VTI1A: variants seen among roughly 807,000 people sequenced by gnomAD.
VTI1A encodes vesicle transport through interaction with t-SNAREs homolog 1A.
A neutral mutation model predicts 34.9 loss-of-function variants in VTI1A; 22 were observed. The observed-to-expected ratio is 0.63, with a 90% confidence interval of 0.45 to 0.90. VTI1A has a LOEUF of 0.90. Ranked by LOEUF, VTI1A falls within the 40% of genes least tolerant of loss-of-function variation. VTI1A has a pLI of 0.00. For missense variants in VTI1A, 268 were observed against 275.6 expected, an observed-to-expected ratio of 0.97 and a Z score of 0.20; for synonymous variants, 87 against 97.3, an observed-to-expected ratio of 0.89 and a Z score of 0.62.
At chr10:112,761,124 C>G (rs556235865) in intron 7 of VTI1A, among the ~76,000 whole-genome samples, 1 of 152,222 alleles carries the variant, frequency 6.6e-6, no homozygotes, top group East Asian at 1.9e-4. Flanking sequence ...ATACCATGGA[C>G]TGTATGTCTT....
At chr10:112,759,329 T>C (rs1310043250) in intron 7 of VTI1A, among the ~76,000 whole-genome samples, 1 of 152,156 alleles carries the variant, frequency 6.6e-6, no homozygotes, top group Non-Finnish European at 1.5e-5. Flanking sequence ...AGGTTTTAGG[T>C]TTCACTTATG....
chr10:112,450,922 T>A (rs1847213150), intron 1 of VTI1A, among the ~76,000 whole-genome samples: 1 of 152,194 alleles, frequency 6.6e-6, no homozygotes, highest in South Asian at 2.1e-4. Flanking sequence ...TGGGAGTGAA[T>A]TCTTAAGTGG....
chr10:112,807,665 C>T (rs1853133934), intron 7 of VTI1A, among the ~76,000 whole-genome samples: 2 of 151,830 alleles, frequency 1.3e-5, no homozygotes, highest in Admixed American at 1.3e-4. Context: ...ACTAGCCTGG[C>T]CAACATGGTA....
chr10:112,703,633 G>A (rs1849092077), intron 7 of VTI1A, among the ~76,000 whole-genome samples: 1 of 152,110 alleles, frequency 6.6e-6, no homozygotes, highest in Non-Finnish European at 1.5e-5. Flanking sequence ...GTATATGATT[G>A]TAAATGTATA....
Position 112,815,481 on chromosome 10 carries a change from A to T in VTI1A, c.*98A>T. 9.3e-7 allele frequency: 1 copy of T among 1,073,560 alleles called. No homozygotes were observed. 66.5% of individuals were successfully genotyped at this position (1,073,560 alleles called of 1,614,324 possible). ...TCATTCTGTTGCGCTGACAGGCCCCAGGTGACCCTCTCTCTCCCTCACCGC... is the reference window on the plus strand; with the variant it reads ...TCATTCTGTTGCGCTGACAGGCCCCTGGTGACCCTCTCTCTCCCTCACCGC... On this transcript the variant is annotated 3_prime_UTR_variant, in exon 8 of 8. Transcript: ENST00000393077.
At position 112,464,592 on chromosome 10, in the gene VTI1A, C is replaced by G. The variant is rs766425909; in HGVS notation, c.199C>G (p.Arg67Gly). 1.2e-5 allele frequency: 19 copies of G among 1,612,790 alleles called. No homozygotes were observed. Among genetic ancestry groups the G allele is most frequent in the African/African-American group, 2.7e-5 (2 of 74,806 alleles). Reference sequence around the variant, plus strand: ...AGTCCGAGAGATACCACCCCAAAGTCGAGGGATGTACAGCAACAGAATGAG... The same window carrying G: ...AGTCCGAGAGATACCACCCCAAAGTGGAGGGATGTACAGCAACAGAATGAG... ...LEVREIPPQS[R>G]GMYSNRMRSY... Residue 67 changes from arginine to glycine, a missense_variant, in exon 3 of 8, where the codon CGA becomes GGA. Physicochemically the swap from Arg to Gly is moderately radical, Grantham distance 125 (BLOSUM62 -2). Transcript: ENST00000393077.
chr10:112,558,750 C>T (rs1164186601), intron 5 of VTI1A, among the ~76,000 whole-genome samples: 2 of 152,316 alleles, frequency 1.3e-5, no homozygotes, highest in Non-Finnish European at 2.9e-5. Flanking sequence ...GAGACACACA[C>T]TCTCTCTCGA....
At chr10:112,712,990 C>T (rs1468715380) in intron 7 of VTI1A, among the ~76,000 whole-genome samples, 1 of 152,180 alleles carries the variant, frequency 6.6e-6, no homozygotes, top group African/African-American at 2.4e-5. Flanking sequence ...GACATCGTGT[C>T]TCTCCATTCC....
chr10:112,820,938 C>T (rs1853639841), downstream of VTI1A, among the ~76,000 whole-genome samples: 1 of 152,082 alleles, frequency 6.6e-6, no homozygotes, highest in South Asian at 2.1e-4. Flanking sequence ...TCATCACTGC[C>T]CTTCTTCAGG....
intron 1 of VTI1A, among the ~76,000 whole-genome samples, chr10:112,458,145 CTTTGT>C (rs145653830): frequency 0.018 from 2,705 of 152,122 alleles, 68 homozygotes; most frequent in African/African-American, 0.061. Context: ...AGGCTTCTTT[CTTTGT>C]TTTATTTTGC....
chr10:112,763,661 G>A (rs538184273), intron 7 of VTI1A, among the ~76,000 whole-genome samples: 2 of 152,262 alleles, frequency 1.3e-5, no homozygotes, highest in South Asian at 2.1e-4. Flanking sequence ...GTGAGACTTC[G>A]TAGCCCTGTG....
At chr10:112,665,414 A>G (rs766371712) in intron 5 of VTI1A, among the ~76,000 whole-genome samples, 1 of 152,178 alleles carries the variant, frequency 6.6e-6, no homozygotes, top group Non-Finnish European at 1.5e-5. Context: ...GAGCATTAAA[A>G]TGGAAGATAG....
chr10:112,447,681 C>G (rs1015135458), intron 1 of VTI1A, among the ~76,000 whole-genome samples: 2 of 152,162 alleles, frequency 1.3e-5, no homozygotes, highest in African/African-American at 4.8e-5. Context: ...TCTGAGCCAT[C>G]TGAGTTCGAA....
At chr10:112,762,603 C>G (rs1000545499) in intron 7 of VTI1A, among the ~76,000 whole-genome samples, 4 of 152,170 alleles carry the variant, frequency 2.6e-5, no homozygotes, top group African/African-American at 7.2e-5. Flanking sequence ...TAATTTTAAT[C>G]AGCTAATTTG....
chr10:112,706,560 A>T (rs79905449), intron 7 of VTI1A, among the ~76,000 whole-genome samples: 85 of 152,326 alleles, frequency 5.6e-4, no homozygotes, highest in African/African-American at 1.9e-3. Context: ...CTCTAAATTA[A>T]GTAGGAAAGA....
chr10:112,510,194 G>A (rs1052839371), intron 3 of VTI1A, among the ~76,000 whole-genome samples: 3 of 152,240 alleles, frequency 2.0e-5, no homozygotes, highest in South Asian at 2.1e-4. Context: ...CTAAGAGCAC[G>A]GTAAAAGATC....
intron 7 of VTI1A, among the ~76,000 whole-genome samples, chr10:112,758,137 C>G (rs766483299): frequency 1.3e-5 from 2 of 152,178 alleles, no homozygotes; most frequent in Non-Finnish European, 2.9e-5. Context: ...CACATTAGAG[C>G]TGCAGAAACC....
intron 5 of VTI1A, among the ~76,000 whole-genome samples, chr10:112,627,185 A>C (rs1163556767): frequency 6.6e-6 from 1 of 152,206 alleles, no homozygotes; most frequent in Admixed American, 6.5e-5. Context: ...CCTATTCAGA[A>C]TCTCTGGGGA....
rs1849319479 is a variant in VTI1A, at chr10:112,503,597, C to A, written c.265-23490C>A. Among the ~76,000 whole-genome samples the A allele has an allele frequency of 4.6e-5, 7 of 152,100 alleles. No homozygotes were observed. The South Asian group carries it at 1.5e-3, about 32-fold the overall frequency. On this transcript the variant is annotated intron_variant, in intron 3 of 7. Coordinates refer to ENST00000393077, the MANE Select transcript of VTI1A (RefSeq NM_145206.4). ...CAAATGTCTTCGTTAAATAAATTTTCTAAGTTTTCTTCAACTAACAGATGG... is the reference window on the plus strand; with the variant it reads ...CAAATGTCTTCGTTAAATAAATTTTATAAGTTTTCTTCAACTAACAGATGG...
Sources: allele counts gnomAD v4.1 joint callset (sites outside exome capture counted in the v4.1 genomes callset), GRCh38; gene constraint gnomAD v4.1.1; transcripts MANE v1.5; gene names NCBI Gene and HGNC (gene_info 2026-07-23, HGNC 2026-07-21).